The following MBD5 variants were observed in gnomAD, a reference collection of about 807,000 sequenced individuals.
The protein encoded by MBD5 is methyl-CpG binding domain protein 5, also known as methyl-CpG-binding domain protein 5.
In MBD5, 13 loss-of-function variants were observed where a neutral mutation model predicts 117.3. The ratio of observed to expected loss-of-function variants is 0.11; its 90% CI spans 0.07 to 0.18. MBD5 has a LOEUF of 0.18. Ranked by LOEUF, MBD5 falls within the 10% of genes least tolerant of loss-of-function variation. The probability of loss-of-function intolerance (pLI) is 1.00; values close to 1 mark genes in which losing one functional copy is unlikely to be tolerated. For missense variants in MBD5, 1,879 were observed against 2,093.8 expected, an observed-to-expected ratio of 0.90 and a Z score of 2.00; for synonymous variants, 727 against 766.4, an observed-to-expected ratio of 0.95 and a Z score of 0.85.
intron 2 of MBD5, among the ~76,000 whole-genome samples, chr2:148,179,415 T>A (rs1283971410): frequency 6.6e-6 from 1 of 152,068 alleles, no homozygotes; most frequent in Non-Finnish European, 1.5e-5. Flanking sequence ...AGAATTTAAT[T>A]TGAAAAAATA....
intron 4 of MBD5, among the ~76,000 whole-genome samples, chr2:148,383,364 G>A (rs184368553): frequency 7.8e-4 from 119 of 152,218 alleles, no homozygotes; most frequent in African/African-American, 2.6e-3. Flanking sequence ...AGAAGAAATG[G>A]ATAAATTCCT....
At chr2:148,381,740 T>A (rs527780561) in intron 4 of MBD5, among the ~76,000 whole-genome samples, 33 of 152,274 alleles carry the variant, frequency 2.2e-4, no homozygotes, top group African/African-American at 7.5e-4. Flanking sequence ...GGGAAGCCCA[T>A]CACACTAACA....
intron 3 of MBD5, among the ~76,000 whole-genome samples, chr2:148,323,613 T>G (rs1316427048): frequency 6.6e-6 from 1 of 151,766 alleles, no homozygotes; most frequent in Admixed American, 6.6e-5. Flanking sequence ...TGAGCATTTT[T>G]TCATGTGTTT....
chr2:148,326,554 C>G (rs1021975193), intron 3 of MBD5, among the ~76,000 whole-genome samples: 13 of 152,128 alleles, frequency 8.5e-5, no homozygotes, highest in African/African-American at 2.9e-4. Flanking sequence ...GGATAGTTAG[C>G]TTTTCTTGGT....
At chr2:148,138,294 G>C (rs942660298) in intron 1 of MBD5, among the ~76,000 whole-genome samples, 39 of 152,120 alleles carry the variant, frequency 2.6e-4, no homozygotes, top group African/African-American at 9.4e-4. Flanking sequence ...TCATGTTACA[G>C]ATGTAATAAA....
At chr2:148,253,492 T>C (rs1700512744) in intron 3 of MBD5, among the ~76,000 whole-genome samples, 1 of 152,214 alleles carries the variant, frequency 6.6e-6, no homozygotes, top group South Asian at 2.1e-4. Flanking sequence ...TCAGAGATAC[T>C]GCAGGTTCGG....
At chr2:148,107,169 G>A (rs1696392213) in intron 1 of MBD5, among the ~76,000 whole-genome samples, 1 of 151,944 alleles carries the variant, frequency 6.6e-6, no homozygotes, top group South Asian at 2.1e-4. Context: ...TTATTTTGAG[G>A]GGGCATAGAA....
intron 1 of MBD5, among the ~76,000 whole-genome samples, chr2:148,042,961 T>C (rs1694405697): frequency 1.3e-5 from 2 of 152,106 alleles, no homozygotes; most frequent in African/African-American, 4.8e-5. Flanking sequence ...AATCATTAGA[T>C]TTGGGGGGTA....
intron 1 of MBD5, among the ~76,000 whole-genome samples, chr2:148,045,686 C>T (rs2105718067): frequency 6.6e-6 from 1 of 152,274 alleles, no homozygotes; most frequent in Middle Eastern, 3.4e-3. Context: ...TGGATTAGGT[C>T]ACTTTCTCAA....
At chr2:148,205,091 T>A (rs1439937884) in intron 2 of MBD5, among the ~76,000 whole-genome samples, 1 of 152,132 alleles carries the variant, frequency 6.6e-6, no homozygotes, top group Non-Finnish European at 1.5e-5. Flanking sequence ...ATTTTATTTT[T>A]TTTTGAGACA....
At chr2:148,365,633 T>G (rs1233975256) in intron 4 of MBD5, among the ~76,000 whole-genome samples, 1 of 151,976 alleles carries the variant, frequency 6.6e-6, no homozygotes, top group African/African-American at 2.4e-5. Context: ...CAATAAAAAA[T>G]GATAAAGGGG....
At chr2:148,419,223 A>G (rs1263308299) in intron 4 of MBD5, among the ~76,000 whole-genome samples, 2 of 152,182 alleles carry the variant, frequency 1.3e-5, no homozygotes, top group Non-Finnish European at 2.9e-5. Context: ...ATATGCAAAA[A>G]TGAACTGAAG....
chr2:148,349,786 A>G (rs998351428), intron 4 of MBD5, among the ~76,000 whole-genome samples: 2 of 152,026 alleles, frequency 1.3e-5, no homozygotes, highest in African/African-American at 2.4e-5. Flanking sequence ...TAAAAATGAG[A>G]GAGAAAATTT....
chr2:148,220,235 A>G (rs1236762400), intron 2 of MBD5, among the ~76,000 whole-genome samples: 1 of 152,178 alleles, frequency 6.6e-6, no homozygotes, highest in Non-Finnish European at 1.5e-5. Context: ...TATTTTTAAA[A>G]GTTCAACTAT....
intron 4 of MBD5, among the ~76,000 whole-genome samples, chr2:148,439,778 C>G (rs114161935): frequency 1.4e-5 from 2 of 145,794 alleles, no homozygotes; most frequent in Non-Finnish European, 3.0e-5. Flanking sequence ...TTAGCCCTGT[C>G]GCCCAACTGA....
At chr2:148,221,352 C>T (rs758805742) in intron 2 of MBD5, among the ~76,000 whole-genome samples, 1 of 152,074 alleles carries the variant, frequency 6.6e-6, no homozygotes, top group Non-Finnish European at 1.5e-5. Context: ...AGACTGTTCT[C>T]CATAGTGCTT....
chr2:148,188,342 T>C (rs1234179551), intron 2 of MBD5, among the ~76,000 whole-genome samples: 1 of 152,016 alleles, frequency 6.6e-6, no homozygotes, highest in Non-Finnish European at 1.5e-5. Context: ...TCACCAAAGA[T>C]TTAAAACAAA....
intron 1 of MBD5, among the ~76,000 whole-genome samples, chr2:148,161,736 A>G (rs557160350): frequency 1.3e-5 from 2 of 152,098 alleles, no homozygotes; most frequent in Non-Finnish European, 2.9e-5. Flanking sequence ...CAGAGCATAG[A>G]CTGATATTAT....
At position 148,315,146 on chromosome 2, in the gene MBD5, G is replaced by C. The variant is rs551622281; in HGVS notation, c.-679-27068G>C. 2.0e-5 allele frequency among the ~76,000 whole-genome samples: 3 copies of C among 152,238 alleles called. No individual in the cohort carries two copies. The South Asian group carries it at 6.2e-4, about 32-fold the overall frequency. On this transcript the variant is annotated intron_variant, in intron 3 of 13. Coordinates refer to ENST00000642680, the MANE Select transcript of MBD5 (RefSeq NM_001378120.1). ...ACTTTTTCCATAGTTCTTTAGCTAG[G>C]TTACAGATTGTTCATCTCCATATTC...
Sources: allele counts gnomAD v4.1 joint callset (sites outside exome capture counted in the v4.1 genomes callset), GRCh38; gene constraint gnomAD v4.1.1; transcripts MANE v1.5; gene names NCBI Gene and HGNC (gene_info 2026-07-23, HGNC 2026-07-21).